Variants in NR3C2 observed in about 807,000 individuals in gnomAD.
NR3C2 encodes the protein nuclear receptor subfamily 3 group C member 2.
NR3C2 carries 15 observed loss-of-function variants against 86.4 expected under a neutral mutation model. That is an observed-to-expected ratio of 0.17 (90% CI 0.12 to 0.27). NR3C2 has a LOEUF of 0.27. Ranked by LOEUF, NR3C2 falls within the 10% of genes least tolerant of loss-of-function variation. The pLI, the probability that NR3C2 is intolerant of heterozygous loss-of-function variation, is 1.00. For missense variants in NR3C2, 960 were observed against 1,195.6 expected (o/e 0.80, Z 2.91); for synonymous variants, 458 against 450.5 (o/e 1.02, Z -0.21).
At chr4:148,436,949 AC>A in intron 1 of NR3C2, 87 bp from the exon 2 acceptor site, 1 of 1,060,792 alleles carries the variant, frequency 9.4e-7, no homozygotes. Context: ...TTGCTAAGCC[AC>A]AAAACATATT....
intron 3 of NR3C2, among the ~76,000 whole-genome samples, chr4:148,242,535 C>T (rs1739106958): frequency 6.6e-6 from 1 of 152,166 alleles, no homozygotes; most frequent in South Asian, 2.1e-4. Context: ...TTCTTGATTC[C>T]TGTGGGCCCT....
intron 2 of NR3C2, among the ~76,000 whole-genome samples, chr4:148,323,752 C>T (rs1387114397): frequency 6.6e-6 from 1 of 152,028 alleles, no homozygotes; most frequent in African/African-American, 2.4e-5. Flanking sequence ...ACACGGTGCG[C>T]GCACCCACTG....
intron 8 of NR3C2, among the ~76,000 whole-genome samples, chr4:148,102,278 A>C (rs2149717883): frequency 6.6e-6 from 1 of 151,708 alleles, no homozygotes; most frequent in Middle Eastern, 3.4e-3. Flanking sequence ...AGTTCCATCC[A>C]CTCCCAGCTT....
At chr4:148,356,602 A>G (rs1199629873) in intron 2 of NR3C2, among the ~76,000 whole-genome samples, 2 of 152,226 alleles carry the variant, frequency 1.3e-5, no homozygotes, top group Non-Finnish European at 2.9e-5. Context: ...TAGGAACCAT[A>G]TAAACCTATG....
chr4:148,120,416 G>A, intron 6 of NR3C2, 128 bp from the exon 7 acceptor site: 1 of 1,112,970 alleles, frequency 9.0e-7, no homozygotes, highest in Non-Finnish European at 1.3e-6. Flanking sequence ...TGGAGCAGAT[G>A]TGTATTTTAA....
At chr4:148,166,862 G>T (rs1734902975) in intron 4 of NR3C2, among the ~76,000 whole-genome samples, 1 of 151,870 alleles carries the variant, frequency 6.6e-6, no homozygotes. Flanking sequence ...TTTAATGGGG[G>T]TAGTTCAGGA....
chr4:148,080,924 G>T lies in NR3C2; in HGVS notation c.*420C>A. On this transcript the variant is annotated 3_prime_UTR_variant, in exon 9 of 9. Transcript: ENST00000358102. ...CAAAAGAATATTAATGCCCCATATT[G>T]ACTATACGTTTTATGTGCAAACCAA... 1 of 325,450 alleles carries T rather than the reference G, an allele frequency of 3.1e-6. No homozygotes were observed. Among genetic ancestry groups the T allele is most frequent in the Non-Finnish European group, 6.3e-6 (1 of 159,674 alleles). The allele number at this position is 325,450 out of a possible 1,614,324, so 20.2% of individuals were successfully genotyped here.
chr4:148,107,631 T>A (rs1273974798), intron 8 of NR3C2, among the ~76,000 whole-genome samples: 1 of 152,100 alleles, frequency 6.6e-6, no homozygotes, highest in Non-Finnish European at 1.5e-5. Flanking sequence ...GTAAAGAAAA[T>A]GTGGCACATA....
At chr4:148,176,578 A>G (rs1188840318) in intron 4 of NR3C2, among the ~76,000 whole-genome samples, 1 of 152,244 alleles carries the variant, frequency 6.6e-6, no homozygotes, top group African/African-American at 2.4e-5. Flanking sequence ...GCAAAGAGAA[A>G]GAACTCTGGG....
chr4:148,168,235 C>T (rs1734969750), intron 4 of NR3C2, among the ~76,000 whole-genome samples: 1 of 152,174 alleles, frequency 6.6e-6, no homozygotes, highest in South Asian at 2.1e-4. Context: ...TTGACCTTGA[C>T]CCTCTCTTCC....
At chr4:148,325,155 A>AATGTGTGT (rs138926542) in intron 2 of NR3C2, among the ~76,000 whole-genome samples, 3 of 151,454 alleles carry the variant, frequency 2.0e-5, no homozygotes, top group African/African-American at 4.8e-5. Context: ...AGAGAGACAG[A>AATGTGTGT]GTGTGTGTGT....
intron 4 of NR3C2, among the ~76,000 whole-genome samples, chr4:148,193,817 G>GC (rs1226380331): frequency 6.6e-6 from 1 of 152,104 alleles, no homozygotes; most frequent in Non-Finnish European, 1.5e-5. Context: ...AATCTTTGAA[G>GC]CATCAGCATT....
chr4:148,093,377 T>A (rs1731144203), intron 8 of NR3C2, among the ~76,000 whole-genome samples: 1 of 152,208 alleles, frequency 6.6e-6, no homozygotes, highest in African/African-American at 2.4e-5. Flanking sequence ...GGGCCACTGC[T>A]GCTGTTCTGA....
intron 4 of NR3C2, among the ~76,000 whole-genome samples, chr4:148,157,369 A>G (rs575678470): frequency 1.3e-5 from 2 of 152,204 alleles, no homozygotes; most frequent in African/African-American, 4.8e-5. Context: ...ACTGTTCTAA[A>G]TGCTCTATAT....
chr4:148,285,447 G>A (rs1003816974), intron 2 of NR3C2, among the ~76,000 whole-genome samples: 1 of 152,106 alleles, frequency 6.6e-6, no homozygotes, highest in African/African-American at 2.4e-5. Flanking sequence ...GGTGGCTCTT[G>A]CCTGTAATCC....
At chr4:148,371,681 A>G (rs924793314) in intron 2 of NR3C2, among the ~76,000 whole-genome samples, 2 of 152,174 alleles carry the variant, frequency 1.3e-5, no homozygotes, top group Non-Finnish European at 2.9e-5. Flanking sequence ...TACCAAATTT[A>G]CACTGTACAC....
intron 6 of NR3C2, among the ~76,000 whole-genome samples, chr4:148,122,729 A>C (rs1419097449): frequency 6.6e-6 from 1 of 152,202 alleles, no homozygotes. Flanking sequence ...GACATTTATC[A>C]GTTCCCAAAC....
chr4:148,403,173 C>T (rs1289327115), intron 2 of NR3C2, among the ~76,000 whole-genome samples: 1 of 152,014 alleles, frequency 6.6e-6, no homozygotes, highest in Non-Finnish European at 1.5e-5. Flanking sequence ...AAATAGTCTA[C>T]AGTATAAAAT....
intron 2 of NR3C2, among the ~76,000 whole-genome samples, chr4:148,408,999 AGTT>A (rs1301377941): frequency 1.3e-5 from 2 of 152,150 alleles, no homozygotes; most frequent in Non-Finnish European, 2.9e-5. Context: ...TTCTCCTATT[AGTT>A]GTTGTTTTCT....
Sources: gnomAD v4.1 joint callset for allele counts (sites outside exome capture counted in the v4.1 genomes callset) on GRCh38, gnomAD v4.1.1 for gene constraint, MANE v1.5 for transcripts, NCBI Gene and HGNC (gene_info 2026-07-23, HGNC 2026-07-21) for gene names.